Variants in CHD1L observed in about 807,000 individuals in gnomAD.
CHD1L encodes ATP-dependent chromatin remodeler CHD1L.
Under a neutral mutation model 115.9 loss-of-function variants are expected in CHD1L, and 118 were observed. The ratio of observed to expected loss-of-function variants is 1.02; its 90% confidence interval spans 0.88 to 1.19. CHD1L has a LOEUF of 1.19. Among genes scored for constraint, CHD1L ranks in the 50% most tolerant of loss-of-function variants. CHD1L has a pLI of 0.00. For synonymous variants in CHD1L, 411 were observed against 387.1 expected (o/e 1.06, Z -0.72); for missense variants, 1,179 against 1,065.3 (o/e 1.11, Z -1.49).
At chr1:147,282,045 T>C (rs1681098260) in intron 15 of CHD1L, among the ~76,000 whole-genome samples, 1 of 152,178 alleles carries the variant, frequency 6.6e-6, no homozygotes, top group Non-Finnish European at 1.5e-5. Context: ...AAAGGAAAAT[T>C]CGTTTGGGGA....
chr1:147,229,797 T>C, the CHD1L span, among the ~76,000 whole-genome samples: 8 of 152,112 alleles, frequency 5.3e-5, no homozygotes, highest in Admixed American at 1.3e-4. Flanking sequence ...CACTCATGAT[T>C]TGGCTCTCTG....
intron 1 of CHD1L, 51 bp from the exon 2 acceptor site, chr1:147,252,572 G>C (rs782051015): frequency 2.9e-6 from 4 of 1,378,586 alleles, no homozygotes; most frequent in African/African-American, 2.8e-5. Context: ...CATTGCCTCT[G>C]CATGTACTGA....
chr1:147,258,354 G>C (rs587755090), intron 5 of CHD1L, among the ~76,000 whole-genome samples: 2 of 152,234 alleles, frequency 1.3e-5, no homozygotes, highest in East Asian at 3.9e-4. Context: ...TCTGTAGCCT[G>C]TTTCACTGAA....
chr1:147,265,081 T>A (rs1374789069), intron 7 of CHD1L, among the ~76,000 whole-genome samples: 1 of 152,186 alleles, frequency 6.6e-6, no homozygotes, highest in Non-Finnish European at 1.5e-5. Context: ...CCTTTGCCCC[T>A]CTGTGTTGTA....
Position 147,294,523 on chromosome 1 carries a change from CTT to C in CHD1L, c.2615+9_2615+10del, listed in dbSNP as rs782773636. On this transcript the variant is annotated splice_region_variant and intron_variant, in intron 22 of 22. Transcript: ENST00000369258. The stretch of plus-strand genomic sequence containing the variant: ...AGAGGCATCCCAACTTACATGTATC[CTT>C]TTGTGATCTTCATTGTGTGTTCTCC... 6.3e-7 allele frequency: 1 copy of C among 1,599,136 alleles called. No individual in the cohort carries two copies. Among genetic ancestry groups the C allele is most frequent in the Non-Finnish European group, 8.6e-7 (1 of 1,169,522 alleles).
intron 15 of CHD1L, among the ~76,000 whole-genome samples, chr1:147,281,279 A>G (rs587634033): frequency 1.1e-4 from 17 of 152,218 alleles, no homozygotes; most frequent in African/African-American, 3.9e-4. Context: ...TTTGTGGGTA[A>G]CTTTTATCTG....
chr1:147,276,798 C>CTTAGAG (rs1366160416), intron 14 of CHD1L, among the ~76,000 whole-genome samples: 2 of 152,136 alleles, frequency 1.3e-5, no homozygotes, highest in Non-Finnish European at 2.9e-5. Context: ...TGGAAGAGGA[C>CTTAGAG]TTAGAGTTAC....
At chr1:147,254,997 A>C (rs1571697190) in intron 3 of CHD1L, 21 bp downstream of exon 3, 1 of 1,510,306 alleles carries the variant, frequency 6.6e-7, no homozygotes. Context: ...GATGTAGCTG[A>C]AATTTTATTG....
At chr1:147,195,610 C>A in the CHD1L span, among the ~76,000 whole-genome samples, 2 of 152,044 alleles carry the variant, frequency 1.3e-5, no homozygotes, top group Non-Finnish European at 2.9e-5. Context: ...AATTATACAC[C>A]AAGGACAGGG....
chr1:147,287,629 A>G lies in CHD1L; in HGVS notation c.2222-6A>G. ...ATAGATGAAAATTTTCTCTTTCTTCAAACAGATGACTCTGGCCACTGGGGC... is the reference window on the plus strand; with the variant it reads ...ATAGATGAAAATTTTCTCTTTCTTCGAACAGATGACTCTGGCCACTGGGGC... On this transcript the variant is annotated splice_polypyrimidine_tract_variant and splice_region_variant and intron_variant, in intron 18 of 22. Transcript: ENST00000369258. The G allele has an allele frequency of 3.7e-6, 6 of 1,611,784 alleles. No individual in the cohort carries two copies. Among genetic ancestry groups the G allele is most frequent in the Non-Finnish European group, 5.1e-6 (6 of 1,178,936 alleles).
the CHD1L span, among the ~76,000 whole-genome samples, chr1:147,183,579 A>G: frequency 6.6e-6 from 1 of 152,194 alleles, no homozygotes; most frequent in East Asian, 1.9e-4. Flanking sequence ...GTAATTGAGA[A>G]GAACACTAGT....
At chr1:147,227,950 C>T in the CHD1L span, among the ~76,000 whole-genome samples, 5 of 151,812 alleles carry the variant, frequency 3.3e-5, no homozygotes, top group Admixed American at 1.3e-4. Flanking sequence ...CTCACTCTGT[C>T]GCCCAGGCTG....
At chr1:147,263,565 T>G (rs587600389) in intron 6 of CHD1L, among the ~76,000 whole-genome samples, 35 of 152,334 alleles carry the variant, frequency 2.3e-4, no homozygotes, top group African/African-American at 8.4e-4. Flanking sequence ...ATATCTTTTC[T>G]TCTTTTTCCT....
chr1:147,286,410 G>T lies in CHD1L; in HGVS notation c.2131G>T (p.Asp711Tyr), dbSNP rs201205825. The change falls in exon 18 of 23, where the codon GAC becomes TAC. Residue 711 changes from aspartate (D) to tyrosine (Y), a missense_variant. Transcript: ENST00000369258. ...GAGCTCTGCTGAGCTGGATTACCAAGACCCAGATGCTACTTCCCTCAAGTA... is the reference window on the plus strand; with the variant it reads ...GAGCTCTGCTGAGCTGGATTACCAATACCCAGATGCTACTTCCCTCAAGTA... ...EESSAELDYQ[D>Y]PDATSLKYVS... The T allele has an allele frequency of 6.2e-7, 1 of 1,614,146 alleles. No homozygotes were observed. Among genetic ancestry groups the T allele is most frequent in the East Asian group, 2.2e-5 (1 of 44,866 alleles).
At chr1:147,269,023 CTCCCACCCCATTCTA>C (rs1675081638) in intron 10 of CHD1L, 145 bp downstream of exon 10, 1 of 561,864 alleles carries the variant, frequency 1.8e-6, no homozygotes. Flanking sequence ...TGTGACTACA[CTCCCACCCCATTCTA>C]TCCCACTCCA....
the CHD1L span, among the ~76,000 whole-genome samples, chr1:147,223,330 T>C: frequency 0.41 from 61,837 of 152,036 alleles, 13,202 homozygotes; most frequent in East Asian, 0.69. Flanking sequence ...TGAATAAGGA[T>C]GATTGTCACA....
At chr1:147,252,597 G>A (rs781915565) in intron 1 of CHD1L, 26 bp from the exon 2 acceptor site, 46 of 1,572,596 alleles carry the variant, frequency 2.9e-5, no homozygotes, top group Admixed American at 5.0e-5. Context: ...TCTGCTCTTC[G>A]GATTTGCTGT....
chr1:147,294,123 G>A (rs1449231359), intron 21 of CHD1L, among the ~76,000 whole-genome samples: 1 of 152,156 alleles, frequency 6.6e-6, no homozygotes, highest in Non-Finnish European at 1.5e-5. Context: ...GTGTGTCTCA[G>A]AGCTTATTGA....
In CHD1L at chr1:147,295,730, C is replaced by T. The variant is rs142513044; in HGVS notation, c.*221C>T. The T allele has an allele frequency of 4.0e-5, 21 of 520,390 alleles. No individual in the cohort carries two copies. The highest frequency in any genetic ancestry group is 4.8e-4 in the Middle Eastern group (1 of 2,064). The allele number at this position is 520,390 out of a possible 1,614,324, so 32.2% of individuals were successfully genotyped here. A position where few individuals can be genotyped will look rare whatever the true frequency, so the allele number is the denominator to read the frequency against. ...GGGAAAGCCCTTTGACCCCAGCTTG[C>T]TAGTTGCATAATAATAAATTTTCTG... On this transcript the variant is annotated 3_prime_UTR_variant, in exon 23 of 23. Coordinates refer to ENST00000369258, the MANE Select transcript of CHD1L (RefSeq NM_004284.6).
Sources: gnomAD v4.1 joint callset for allele counts (sites outside exome capture counted in the v4.1 genomes callset) on GRCh38, gnomAD v4.1.1 for gene constraint, MANE v1.5 for transcripts, NCBI Gene and HGNC (gene_info 2026-07-23, HGNC 2026-07-21) for gene names.